Variants in AFG1L observed in about 807,000 individuals in gnomAD.
The protein encoded by AFG1L is AFG1 like ATPase.
AFG1L carries 53 observed loss-of-function variants against 62.2 expected under a neutral mutation model. That is an observed-to-expected ratio of 0.85 (90% CI 0.68 to 1.07). The LOEUF (loss-of-function observed/expected upper bound fraction) is 1.07, where lower values mean the gene tolerates loss of function less well. AFG1L is among the 50% of genes least tolerant of loss of function. The pLI is 0.00. For synonymous variants in AFG1L, 228 were observed against 210.3 expected (o/e 1.08, Z -0.73); for missense variants, 555 against 590.5 (o/e 0.94, Z 0.62).
At chr6:108,343,127 C>T (rs907806996) in intron 2 of AFG1L, among the ~76,000 whole-genome samples, 66 of 150,590 alleles carry the variant, frequency 4.4e-4, no homozygotes, top group African/African-American at 1.5e-3. Context: ...TGCAATGGTG[C>T]GATCTTGGCT....
At chr6:108,473,746 A>G (rs1349180108) in intron 8 of AFG1L, among the ~76,000 whole-genome samples, 1 of 152,032 alleles carries the variant, frequency 6.6e-6, no homozygotes, top group Non-Finnish European at 1.5e-5. Flanking sequence ...TTTAGTAGAG[A>G]CGGGGTTTCA....
chr6:108,455,245 T>A (rs891610803), intron 8 of AFG1L, among the ~76,000 whole-genome samples: 1 of 151,978 alleles, frequency 6.6e-6, no homozygotes, highest in Non-Finnish European at 1.5e-5. Context: ...TGAGGGGAGG[T>A]ATAGAGGAAA....
chr6:108,369,667 T>C (rs144929997), intron 6 of AFG1L, among the ~76,000 whole-genome samples: 1 of 152,082 alleles, frequency 6.6e-6, no homozygotes, highest in East Asian at 1.9e-4. Context: ...TGGGGTGCAG[T>C]GCGCGATCTT....
chr6:108,451,766 TG>T (rs1469596454), intron 8 of AFG1L, among the ~76,000 whole-genome samples: 2 of 152,162 alleles, frequency 1.3e-5, no homozygotes, highest in African/African-American at 2.4e-5. Context: ...ACTGGAGGGC[TG>T]GAGTGCAGTG....
intron 6 of AFG1L, among the ~76,000 whole-genome samples, chr6:108,386,477 A>G (rs1164005957): frequency 6.6e-6 from 1 of 152,106 alleles, no homozygotes; most frequent in East Asian, 1.9e-4. Context: ...AAAAAAGAAA[A>G]GAAAAGAAAA....
chr6:108,433,144 G>A (rs550098761), intron 7 of AFG1L, among the ~76,000 whole-genome samples: 20 of 152,220 alleles, frequency 1.3e-4, no homozygotes, highest in African/African-American at 4.8e-4. Context: ...AATAGAACCA[G>A]GGCCCTGATT....
intron 8 of AFG1L, among the ~76,000 whole-genome samples, chr6:108,453,976 C>G (rs186792864): frequency 6.6e-6 from 1 of 152,304 alleles, no homozygotes; most frequent in East Asian, 1.9e-4. Flanking sequence ...TAAGTCCGGC[C>G]CCCTTCCTTT....
intron 7 of AFG1L, among the ~76,000 whole-genome samples, chr6:108,445,687 C>T (rs1403699153): frequency 8.2e-6 from 1 of 122,364 alleles, no homozygotes; most frequent in Admixed American, 8.3e-5. Flanking sequence ...AGAGAAACAG[C>T]CAGTTGGTAT....
chr6:108,405,671 A>T (rs1336208024), intron 7 of AFG1L, among the ~76,000 whole-genome samples: 1 of 152,210 alleles, frequency 6.6e-6, no homozygotes, highest in Non-Finnish European at 1.5e-5. Flanking sequence ...TTAAGGGTAC[A>T]GTTCAGTGGC....
intron 6 of AFG1L, among the ~76,000 whole-genome samples, chr6:108,375,590 T>A (rs941787324): frequency 2.6e-5 from 4 of 152,192 alleles, no homozygotes; most frequent in Non-Finnish European, 5.9e-5. Flanking sequence ...GATTCTATGG[T>A]TTTTGTTTTT....
chr6:108,461,645 G>T (rs1031305416), intron 8 of AFG1L, among the ~76,000 whole-genome samples: 5 of 152,122 alleles, frequency 3.3e-5, no homozygotes, highest in African/African-American at 9.7e-5. Flanking sequence ...TTTTGGTAGA[G>T]ATTGGTTTTT....
At chr6:108,303,015 C>T (rs1173060381) in intron 1 of AFG1L, among the ~76,000 whole-genome samples, 2 of 151,936 alleles carry the variant, frequency 1.3e-5, no homozygotes, top group East Asian at 1.9e-4. Context: ...CAGGTTCATG[C>T]GATTCTTGTG....
rs138002209 is a variant in AFG1L at position 108,336,526 on chromosome 6, A to G, written c.364-10462A>G. On this transcript the variant is annotated intron_variant, in intron 2 of 12. Transcript: ENST00000368977. Reference sequence around the variant, plus strand: ...AATATCATAGGGAACAAAGGATAATATTAAAATCATTAAATCAAAATATTT... The same window carrying G: ...AATATCATAGGGAACAAAGGATAATGTTAAAATCATTAAATCAAAATATTT... Among the ~76,000 whole-genome samples the G allele has an allele frequency of 8.5e-3, 1,297 of 152,338 alleles. 21 individuals are homozygous for G. Among genetic ancestry groups the G allele is most frequent in the Admixed American group, 0.046 (707 of 15,300 alleles).
chr6:108,366,344 C>CA lies in AFG1L; in HGVS notation c.748+13dup. The CA allele has an allele frequency of 1.3e-6, 2 of 1,572,718 alleles. No homozygotes were observed. The highest frequency in any genetic ancestry group is 1.7e-6 in the Non-Finnish European group (2 of 1,143,650). On this transcript the variant is annotated intron_variant, in intron 6 of 12. Transcript: ENST00000368977. The stretch of plus-strand genomic sequence containing the variant: ...CAGGCCACCGGAAGGTAAAAACAAA[C>CA]ATTGTGCTAGTCTCATCCAATTAGG...
chr6:108,459,960 G>A (rs1184672121), intron 8 of AFG1L, among the ~76,000 whole-genome samples: 1 of 152,050 alleles, frequency 6.6e-6, no homozygotes, highest in African/African-American at 2.4e-5. Context: ...GAGATGGATA[G>A]GGAACCTTTA....
chr6:108,399,622 T>C (rs956860348), intron 6 of AFG1L, among the ~76,000 whole-genome samples: 4 of 151,820 alleles, frequency 2.6e-5, no homozygotes, highest in Non-Finnish European at 4.4e-5. Flanking sequence ...GTTATGTTGA[T>C]TTTGTGTCCT....
At chr6:108,504,709 A>T (rs181783298) in intron 10 of AFG1L, among the ~76,000 whole-genome samples, 61 of 152,384 alleles carry the variant, frequency 4.0e-4, no homozygotes, top group East Asian at 2.1e-3. Context: ...TATCTTCAGA[A>T]TGCAGTAAAA....
intron 8 of AFG1L, among the ~76,000 whole-genome samples, chr6:108,462,600 A>C (rs1369807142): frequency 6.6e-6 from 1 of 152,218 alleles, no homozygotes; most frequent in Non-Finnish European, 1.5e-5. Flanking sequence ...AGACTTCAGT[A>C]CCAGGTTCCA....
intron 1 of AFG1L, chr6:108,295,690 C>T (rs1232037986): frequency 2.0e-5 from 3 of 153,618 alleles, no homozygotes; most frequent in Non-Finnish European, 2.9e-5. Context: ...GGGATCGATT[C>T]TTGGTGTTCT....
Sources: gnomAD v4.1 joint callset for allele counts (sites outside exome capture counted in the v4.1 genomes callset) on GRCh38, gnomAD v4.1.1 for gene constraint, MANE v1.5 for transcripts, NCBI Gene and HGNC (gene_info 2026-07-23, HGNC 2026-07-21) for gene names.